WNT7A: variants seen among roughly 807,000 people sequenced by gnomAD.
WNT7A encodes the protein protein Wnt-7a.
In WNT7A, 16 loss-of-function variants were observed where a neutral mutation model predicts 28.2. The ratio of observed to expected loss-of-function variants is 0.57; its 90% CI spans 0.38 to 0.86. The LOEUF (loss-of-function observed/expected upper bound fraction) is 0.86, where lower values mean the gene tolerates loss of function less well. Among genes scored for constraint, WNT7A ranks in the 40% least tolerant of loss-of-function variants. The probability of loss-of-function intolerance (pLI) is 0.00; values close to 1 mark genes in which losing one functional copy is unlikely to be tolerated. For missense variants in WNT7A, 411 were observed against 489.7 expected (o/e 0.84, Z 1.52); for synonymous variants, 190 against 195.9 (o/e 0.97, Z 0.25).
At position 13,819,204 on chromosome 3, in the gene WNT7A, T is replaced by C. The variant is rs754059712; in HGVS notation, c.790A>G (p.Met264Val). 19 of 1,614,114 alleles carry C rather than the reference T, an allele frequency of 1.2e-5. No homozygotes were observed. The Admixed American group carries it at 2.3e-4, about 20-fold the overall frequency. Residue 264 changes from methionine (M) to valine (V), a missense_variant, in exon 4 of 4, where the codon ATG (methionine) becomes GTG (valine). Physicochemically the swap from Met to Val is conservative, Grantham distance 21 (BLOSUM62 1). Coordinates refer to ENST00000285018, the MANE Select transcript of WNT7A (RefSeq NM_004625.4). The part of the protein sequence containing the change: ...IKKPLSYRKP[M>V]DTDLVYIEKS... ...TCGATGTACACCAGGTCCGTGTCCA[T>C]GGGCTTGCGGTACGACAGTGGCTTC...
chr3:13,849,474 C>A (rs1019224353), intron 3 of WNT7A, among the ~76,000 whole-genome samples: 5 of 152,190 alleles, frequency 3.3e-5, no homozygotes, highest in African/African-American at 1.2e-4. Flanking sequence ...CAAGACAGAG[C>A]AAGCACTTGC....
At chr3:13,875,362 A>G (rs951832725) in intron 1 of WNT7A, among the ~76,000 whole-genome samples, 189 bp from the exon 2 acceptor site, 1 of 152,210 alleles carries the variant, frequency 6.6e-6, no homozygotes, top group Admixed American at 6.5e-5. Context: ...AGGCTCTTGA[A>G]TCAATGCGTA....
intron 3 of WNT7A, among the ~76,000 whole-genome samples, chr3:13,848,067 TAA>T (rs58146750): frequency 6.6e-6 from 1 of 151,568 alleles, no homozygotes; most frequent in African/African-American, 2.4e-5. Context: ...ATGAATTTTT[TAA>T]AAAAAACAGG....
At chr3:13,869,773 T>A (rs1329385115) in intron 2 of WNT7A, among the ~76,000 whole-genome samples, 1 of 151,962 alleles carries the variant, frequency 6.6e-6, no homozygotes, top group Non-Finnish European at 1.5e-5. Flanking sequence ...GTGAAGGCCT[T>A]CTTAGACACC....
chr3:13,856,953 GAAGA>G (rs1694750975), intron 2 of WNT7A, among the ~76,000 whole-genome samples: 3 of 124,202 alleles, frequency 2.4e-5, no homozygotes, highest in Admixed American at 8.1e-5. Context: ...AGAAGAAGAA[GAAGA>G]AGAAGAAGAA....
chr3:13,825,556 G>C (rs919944245), intron 3 of WNT7A, among the ~76,000 whole-genome samples: 1 of 152,372 alleles, frequency 6.6e-6, no homozygotes, highest in Admixed American at 6.5e-5. Flanking sequence ...GCTACCAGCA[G>C]TTTAACAATT....
At chr3:13,823,435 G>T (rs2124828259) in intron 3 of WNT7A, among the ~76,000 whole-genome samples, 1 of 152,288 alleles carries the variant, frequency 6.6e-6, no homozygotes, top group Admixed American at 6.5e-5. Context: ...CAAGCAGTAT[G>T]CCCCAGGCCC....
chr3:13,823,831 A>T (rs1446043961), intron 3 of WNT7A, among the ~76,000 whole-genome samples: 1 of 152,126 alleles, frequency 6.6e-6, no homozygotes, highest in Non-Finnish European at 1.5e-5. Flanking sequence ...GGCAGGAGGA[A>T]AGTTCTGGGA....
Position 13,818,958 on chromosome 3 carries a change from A to G in WNT7A, c.1036T>C (p.Tyr346His), listed in dbSNP as rs763687034. The change falls in exon 4 of 4, where the codon TAC becomes CAC. Residue 346 changes from tyrosine to histidine, a missense_variant. Coordinates refer to ENST00000285018, the MANE Select transcript of WNT7A (RefSeq NM_004625.4). ...CNTCSERTEM[Y>H]TCK is the part of the protein sequence containing the mutation. The stretch of plus-strand genomic sequence containing the variant: ...GCACACGGGGCTCACTTGCACGTGT[A>G]CATCTCCGTGCGCTCGCTGCACGTG... The G allele has an allele frequency of 5.7e-6, 9 of 1,580,312 alleles. No homozygotes were observed. In the East Asian group the frequency reaches 2.0e-4, roughly 36 times the overall value.
At chr3:13,850,405 G>A (rs1694610520) in intron 3 of WNT7A, among the ~76,000 whole-genome samples, 2 of 152,168 alleles carry the variant, frequency 1.3e-5, no homozygotes, top group African/African-American at 4.8e-5. Flanking sequence ...TGCGGCCAGG[G>A]CAGGGGTGGG....
chr3:13,856,902 G>GAAGAAGAAA (rs1694744305), intron 2 of WNT7A, among the ~76,000 whole-genome samples: 1 of 56,768 alleles, frequency 1.8e-5, no homozygotes, highest in African/African-American at 8.0e-5. Flanking sequence ...AAAAGAAGAA[G>GAAGAAGAAA]AAGAAGAAGA....
chr3:13,823,878 G>T (rs1694148140), intron 3 of WNT7A, among the ~76,000 whole-genome samples: 2 of 152,132 alleles, frequency 1.3e-5, no homozygotes, highest in African/African-American at 4.8e-5. Flanking sequence ...GGGCCCTTCA[G>T]GATGTCTGCA....
intron 3 of WNT7A, among the ~76,000 whole-genome samples, chr3:13,840,985 C>T (rs1468414622): frequency 1.3e-5 from 2 of 152,196 alleles, no homozygotes; most frequent in African/African-American, 4.8e-5. Context: ...ATTCACTCTT[C>T]TCCTTCTGTC....
Position 13,818,796 on chromosome 3 carries a change from C to G in WNT7A, c.*148G>C. 1 of 1,245,874 alleles carries G rather than the reference C, an allele frequency of 8.0e-7. No homozygotes were observed. Among genetic ancestry groups the G allele is most frequent in the Non-Finnish European group, 1.1e-6 (1 of 931,090 alleles). The allele number at this position is 1,245,874 out of a possible 1,614,324, so 77.2% of individuals were successfully genotyped here. A position where few individuals can be genotyped will look rare whatever the true frequency, so the allele number is the denominator to read the frequency against. On this transcript the variant is annotated 3_prime_UTR_variant, in exon 4 of 4. Coordinates refer to ENST00000285018, the MANE Select transcript of WNT7A (RefSeq NM_004625.4). Reference sequence around the variant, plus strand: ...AGGGCTCTGAGAGATTTTTTTTCCCCCACGGATGCCTGCAGGAAACCCAGG... The same window carrying G: ...AGGGCTCTGAGAGATTTTTTTTCCCGCACGGATGCCTGCAGGAAACCCAGG...
intron 3 of WNT7A, among the ~76,000 whole-genome samples, chr3:13,849,897 T>A (rs1306595026): frequency 6.6e-6 from 1 of 152,048 alleles, no homozygotes; most frequent in Non-Finnish European, 1.5e-5. Context: ...TGGAAGGTGG[T>A]GTGTGTGGGA....
chr3:13,867,703 TG>T (rs1335495627), intron 2 of WNT7A, among the ~76,000 whole-genome samples: 1 of 152,202 alleles, frequency 6.6e-6, no homozygotes, highest in Non-Finnish European at 1.5e-5. Context: ...GGTCTAACCC[TG>T]GTTTCCCTGC....
intron 3 of WNT7A, among the ~76,000 whole-genome samples, chr3:13,851,350 G>A (rs569819864): frequency 1.3e-5 from 2 of 152,194 alleles, no homozygotes; most frequent in Admixed American, 1.3e-4. Context: ...CCCCACCCTC[G>A]GCCACACGGA....
chr3:13,855,628 C>T (rs905020276), intron 2 of WNT7A, among the ~76,000 whole-genome samples: 2 of 152,202 alleles, frequency 1.3e-5, no homozygotes, highest in African/African-American at 4.8e-5. Flanking sequence ...AAATATGGTG[C>T]TGCCACCTCG....
chr3:13,835,085 C>G (rs1458374067), intron 3 of WNT7A, among the ~76,000 whole-genome samples: 1 of 152,144 alleles, frequency 6.6e-6, no homozygotes, highest in African/African-American at 2.4e-5. Context: ...GCAGGCTAGG[C>G]AGAGGGAAGA....
Sources: gnomAD v4.1 joint callset for allele counts (sites outside exome capture counted in the v4.1 genomes callset) on GRCh38, gnomAD v4.1.1 for gene constraint, MANE v1.5 for transcripts, NCBI Gene and HGNC (gene_info 2026-07-23, HGNC 2026-07-21) for gene names.